Variants in EML1 observed in about 807,000 individuals in gnomAD.
EML1 encodes the protein EMAP like 1.
In EML1, 27 loss-of-function variants were observed where a neutral mutation model predicts 110.4. That is an observed-to-expected ratio of 0.24 (90% CI 0.18 to 0.34). The LOEUF (loss-of-function observed/expected upper bound fraction) is 0.34. Among genes scored for constraint, EML1 ranks in the 10% least tolerant of loss-of-function variants. The probability of loss-of-function intolerance (pLI) is 1.00; values close to 1 mark genes in which losing one functional copy is unlikely to be tolerated. For synonymous variants in EML1, 344 were observed against 385.8 expected (o/e 0.89, Z 1.27); for missense variants, 741 against 1,030.9 (o/e 0.72, Z 3.85).
chr14:99,904,036 G>T (rs943321996), intron 9 of EML1, among the ~76,000 whole-genome samples: 4 of 152,102 alleles, frequency 2.6e-5, no homozygotes, highest in Admixed American at 1.3e-4. Flanking sequence ...ACCCGCCTCG[G>T]CCTCCCAAAG....
intron 16 of EML1, among the ~76,000 whole-genome samples, chr14:99,919,418 G>GCACACAGACCCA (rs2060091079): frequency 1.1e-5 from 1 of 95,164 alleles, no homozygotes; most frequent in East Asian, 4.7e-4. Flanking sequence ...ACATACGCAT[G>GCACACAGACCCA]CACACAGACA....
In EML1 at chr14:99,905,929, C is replaced by T. The variant is rs1206426789; in HGVS notation, c.1009-1709C>T. The stretch of plus-strand genomic sequence containing the variant: ...ATCCCATCCTTTGCCCAGGTGTGTG[C>T]CCCCCCCTTACCCAAAATCAGCCAT... On this transcript the variant is annotated intron_variant, in intron 9 of 21. Coordinates refer to ENST00000262233, the MANE Select transcript of EML1 (RefSeq NM_004434.3). The surrounding 1 kb of genome is among the most constrained non-coding windows in gnomAD (Gnocchi z 4.1). Among the ~76,000 whole-genome samples, 2 of 150,814 alleles carry T rather than the reference C, an allele frequency of 1.3e-5. No individual in the cohort carries two copies. The highest frequency in any genetic ancestry group is 2.1e-4 in the South Asian group (1 of 4,778).
At chr14:99,847,985 T>A (rs963748595) in intron 1 of EML1, among the ~76,000 whole-genome samples, 2 of 152,218 alleles carry the variant, frequency 1.3e-5, no homozygotes, top group African/African-American at 4.8e-5. Flanking sequence ...TTAATTGGTG[T>A]GTTTAATGAA....
chr14:99,792,516 A>C (rs544741054), upstream of EML1, among the ~76,000 whole-genome samples: 5 of 152,370 alleles, frequency 3.3e-5, no homozygotes, highest in South Asian at 1.0e-3. Flanking sequence ...TGGAAAAGTT[A>C]CAAACTCATA....
intron 1 of EML1, among the ~76,000 whole-genome samples, chr14:99,783,499 T>G (rs959577453): frequency 5.3e-5 from 8 of 151,466 alleles, no homozygotes; most frequent in Non-Finnish European, 1.0e-4. Flanking sequence ...TTTTTTTTTT[T>G]TTTGAGACAG....
intron 1 of EML1, among the ~76,000 whole-genome samples, chr14:99,780,800 ATGCAGGT>A (rs946454113): frequency 1.3e-5 from 2 of 152,326 alleles, no homozygotes; most frequent in African/African-American, 4.8e-5. Flanking sequence ...GTAGCCTGTC[ATGCAGGT>A]TTGCAGCCTA....
chr14:99,865,296 G>A (rs11845106), intron 2 of EML1, among the ~76,000 whole-genome samples: 1,643 of 152,232 alleles, frequency 0.011, 33 homozygotes, highest in African/African-American at 0.038. Context: ...GCACTCCTAT[G>A]AGAATCTAAT....
intron 1 of EML1, among the ~76,000 whole-genome samples, chr14:99,763,429 T>C (rs2057335923): frequency 6.6e-6 from 1 of 152,248 alleles, no homozygotes; most frequent in African/African-American, 2.4e-5. Context: ...ACCCTCTTCA[T>C]AGCAGCACAC....
chr14:99,783,883 C>T (rs1173241424), intron 1 of EML1, among the ~76,000 whole-genome samples: 2 of 152,208 alleles, frequency 1.3e-5, no homozygotes, highest in African/African-American at 2.4e-5. Context: ...CTTATTTGCT[C>T]TGTGGTTAGT....
chr14:99,878,607 A>G lies in EML1; in HGVS notation c.506A>G (p.Lys169Arg). Residue 169 changes from lysine to arginine, a missense_variant, in exon 4 of 22, where the codon AAG (lysine) becomes AGG (arginine). Lys to Arg is a conservative substitution (Grantham distance 26, BLOSUM62 2). Coordinates refer to ENST00000262233, the MANE Select transcript of EML1 (RefSeq NM_004434.3). ...ACCAGCAGCTCTTCCAGTGGCAAAAAGAACAGTGAAAGGTAAGGACGTCTT... is the reference window on the plus strand; with the variant it reads ...ACCAGCAGCTCTTCCAGTGGCAAAAGGAACAGTGAAAGGTAAGGACGTCTT... The part of the protein sequence containing the change: ...GSTSSSSSGK[K>R]NSESKPKEPV... 1.2e-6 allele frequency: 2 copies of G among 1,613,794 alleles called. No individual in the cohort carries two copies. The highest frequency in any genetic ancestry group is 2.2e-5 in the East Asian group (1 of 44,866).
upstream of EML1, among the ~76,000 whole-genome samples, chr14:99,770,443 CTTTT>C (rs1187110274): frequency 6.7e-6 from 1 of 150,150 alleles, no homozygotes; most frequent in East Asian, 2.0e-4. Context: ...GAGATCATGT[CTTTT>C]TTTAAGGAAA....
intron 1 of EML1, among the ~76,000 whole-genome samples, chr14:99,782,238 G>T (rs956718188): frequency 6.6e-6 from 1 of 152,146 alleles, no homozygotes; most frequent in African/African-American, 2.4e-5. Context: ...GTTTGGGCCT[G>T]ACAGGACTGG....
chr14:99,879,813 G>T (rs1452960541), intron 4 of EML1, among the ~76,000 whole-genome samples: 1 of 152,200 alleles, frequency 6.6e-6, no homozygotes, highest in Non-Finnish European at 1.5e-5. Flanking sequence ...GAGGTGCAAC[G>T]TAGCCCAAAG....
At chr14:99,769,634 T>C (rs1386614937), upstream of EML1, among the ~76,000 whole-genome samples, 1 of 152,208 alleles carries the variant, frequency 6.6e-6, no homozygotes, top group Non-Finnish European at 1.5e-5. Context: ...GTCTCTGCAG[T>C]ACCTGCCCCT....
rs189744281 is a variant in EML1 at position 99,757,640 on chromosome 14, C to T, written c.28+19780C>T. Among the ~76,000 whole-genome samples, 6 of 152,284 alleles carry T rather than the reference C, an allele frequency of 3.9e-5. No individual in the cohort carries two copies. In the East Asian group the frequency reaches 7.7e-4, roughly 20 times the overall value. On this transcript the variant is annotated intron_variant, in intron 1 of 10. Transcript: ENST00000554479. ...ATGTGTGTTGCTTGAAAGCAAGAAA[C>T]GCCAGATGGAGCATTAAATGAATCA...
chr14:99,874,604 G>A (rs2139919981), intron 3 of EML1, among the ~76,000 whole-genome samples: 1 of 147,380 alleles, frequency 6.8e-6, no homozygotes, highest in East Asian at 1.9e-4. Context: ...TTTATTTTCT[G>A]TCCTTCACTT....
intron 6 of EML1, 113 bp downstream of exon 6, chr14:99,894,871 A>C: frequency 7.6e-7 from 1 of 1,318,106 alleles, no homozygotes; most frequent in East Asian, 2.6e-5. Context: ...AAAAAACAAA[A>C]TGTTTTACTG....
At chr14:99,914,847 A>T in intron 15 of EML1, 150 bp downstream of exon 15, 2 of 1,020,366 alleles carry the variant, frequency 2.0e-6, no homozygotes, top group Non-Finnish European at 2.8e-6. Flanking sequence ...TTGCAATTGC[A>T]TTTAACAGTG....
intron 2 of EML1, 38 bp from the exon 3 acceptor site, chr14:99,865,476 G>T: frequency 6.2e-7 from 1 of 1,611,878 alleles, no homozygotes; most frequent in South Asian, 1.1e-5. Context: ...CCTTTGCAAA[G>T]GGGAACTTTC....
Sources: gnomAD v4.1 joint callset for allele counts (sites outside exome capture counted in the v4.1 genomes callset) on GRCh38, gnomAD v4.1.1 for gene constraint, Gnocchi (gnomAD v3.1) non-coding constraint, MANE v1.5 for transcripts, NCBI Gene and HGNC (gene_info 2026-07-23, HGNC 2026-07-21) for gene names.